Variants in PEX5L observed in about 807,000 individuals in gnomAD.
The protein encoded by PEX5L is PEX5-related protein.
Under a neutral mutation model 84.0 loss-of-function variants are expected in PEX5L, and 30 were observed. The observed-to-expected ratio is 0.36, with a 90% confidence interval of 0.27 to 0.48. PEX5L has a LOEUF of 0.48. Among genes scored for constraint, PEX5L ranks in the 20% least tolerant of loss-of-function variants. The probability of loss-of-function intolerance (pLI) is 0.99; values close to 1 mark genes in which losing one functional copy is unlikely to be tolerated. For synonymous variants in PEX5L, 270 were observed against 283.1 expected (o/e 0.95, Z 0.46); for missense variants, 533 against 754.6 (o/e 0.71, Z 3.44).
At chr3:179,949,007 C>T (rs1189456974) in intron 2 of PEX5L, among the ~76,000 whole-genome samples, 1 of 152,168 alleles carries the variant, frequency 6.6e-6, no homozygotes, top group East Asian at 1.9e-4. Context: ...CCATGACTAG[C>T]TTTCCCAGTG....
chr3:179,801,699 C>T lies in PEX5L; in HGVS notation c.*129G>A, dbSNP rs1198104189. 2 of 698,044 alleles carry T rather than the reference C, an allele frequency of 2.9e-6. No individual in the cohort carries two copies. The highest frequency in any genetic ancestry group is 5.0e-6 in the Non-Finnish European group (2 of 399,482). 43.2% of individuals were successfully genotyped at this position (698,044 alleles called of 1,614,324 possible). On this transcript the variant is annotated 3_prime_UTR_variant, in exon 15 of 15. Coordinates refer to ENST00000467460, the MANE Select transcript of PEX5L (RefSeq NM_016559.3). ...GGGCATTGTCCACAGGAATTAATTT[C>T]CTTGGGCTATATGACCATGGCCTTT...
intron 1 of PEX5L, among the ~76,000 whole-genome samples, chr3:180,010,943 G>A (rs76576429): frequency 0.041 from 6,222 of 152,210 alleles, 422 homozygotes; most frequent in African/African-American, 0.14. Context: ...GAACTGGCAA[G>A]GGGAAGTGGA....
intron 6 of PEX5L, among the ~76,000 whole-genome samples, chr3:179,874,738 G>GTT (rs3836472): frequency 0.011 from 510 of 45,830 alleles, 6 homozygotes; most frequent in Admixed American, 0.019. Context: ...TTTTTTTTTT[G>GTT]TTTTTTTTTT....
chr3:179,996,923 A>G (rs1787938660), intron 1 of PEX5L, among the ~76,000 whole-genome samples: 1 of 152,222 alleles, frequency 6.6e-6, no homozygotes, highest in Non-Finnish European at 1.5e-5. Context: ...ATTGATAGGA[A>G]GTCTACCGCA....
chr3:179,863,319 A>C (rs1013711639), intron 7 of PEX5L, among the ~76,000 whole-genome samples: 1 of 151,276 alleles, frequency 6.6e-6, no homozygotes, highest in Non-Finnish European at 1.5e-5. Context: ...CATAGGCAAC[A>C]AAAGCAAAAT....
chr3:179,959,573 CT>C (rs765340087), intron 2 of PEX5L, among the ~76,000 whole-genome samples: 9 of 151,926 alleles, frequency 5.9e-5, no homozygotes, highest in Admixed American at 3.3e-4. Flanking sequence ...TGTATTTTTT[CT>C]TTTTTTTGAG....
At chr3:179,982,806 G>T (rs1009388660) in intron 1 of PEX5L, among the ~76,000 whole-genome samples, 1 of 151,948 alleles carries the variant, frequency 6.6e-6, no homozygotes, top group Non-Finnish European at 1.5e-5. Flanking sequence ...GTGAGTGTGG[G>T]GATTTTAAGG....
chr3:179,861,559 A>G (rs1746137092), intron 7 of PEX5L, among the ~76,000 whole-genome samples: 1 of 152,194 alleles, frequency 6.6e-6, no homozygotes, highest in Non-Finnish European at 1.5e-5. Context: ...GGCTTGCAGG[A>G]GCATCAGCGC....
At chr3:179,881,840 C>T (rs1754252498) in intron 4 of PEX5L, among the ~76,000 whole-genome samples, 1 of 152,126 alleles carries the variant, frequency 6.6e-6, no homozygotes, top group Admixed American at 6.5e-5. Flanking sequence ...ACAGAATCTT[C>T]CTGAGGCAAT....
Position 179,839,045 on chromosome 3 carries a change from A to T in PEX5L, c.823-19069T>A, listed in dbSNP as rs562471506. Reference sequence around the variant, plus strand: ...CTTTCTCATTTGAGAAAGAAAAAAAAAATCTATTTTTTTTTCGGTAGAAAG... The same window carrying T: ...CTTTCTCATTTGAGAAAGAAAAAAATAATCTATTTTTTTTTCGGTAGAAAG... On this transcript the variant is annotated intron_variant, in intron 8 of 14. Coordinates refer to ENST00000467460, the MANE Select transcript of PEX5L (RefSeq NM_016559.3). Among the ~76,000 whole-genome samples the T allele has an allele frequency of 1.5e-4, 23 of 152,194 alleles. 1 individual carries two copies. The highest frequency in any genetic ancestry group is 3.4e-3 in the Middle Eastern group (1 of 294).
intron 8 of PEX5L, among the ~76,000 whole-genome samples, chr3:179,831,840 T>C (rs1285558475): frequency 6.6e-6 from 1 of 152,184 alleles, no homozygotes; most frequent in Non-Finnish European, 1.5e-5. Flanking sequence ...TTCTGGGAAC[T>C]GATTATGACG....
chr3:179,871,684 C>T (rs1750451559), intron 7 of PEX5L, among the ~76,000 whole-genome samples: 1 of 152,152 alleles, frequency 6.6e-6, no homozygotes, highest in Non-Finnish European at 1.5e-5. Flanking sequence ...TCAAATAAGG[C>T]AAATGCCAAG....
intron 8 of PEX5L, among the ~76,000 whole-genome samples, chr3:179,846,522 T>C (rs935912903): frequency 1.3e-5 from 2 of 152,210 alleles, no homozygotes; most frequent in African/African-American, 2.4e-5. Flanking sequence ...ACTTTATGTG[T>C]CAACTTGACT....
intron 8 of PEX5L, among the ~76,000 whole-genome samples, chr3:179,826,097 A>G (rs1340112862): frequency 6.6e-6 from 1 of 152,160 alleles, no homozygotes; most frequent in East Asian, 1.9e-4. Context: ...AGCTGCAGAA[A>G]TGTGGGGAGG....
chr3:179,970,076 A>T (rs13079570), intron 2 of PEX5L, among the ~76,000 whole-genome samples: 1 of 151,982 alleles, frequency 6.6e-6, no homozygotes, highest in South Asian at 2.1e-4. Context: ...ACTCAGTTAA[A>T]ATGCAAAGAT....
At chr3:179,824,702 A>G (rs1052974660) in intron 8 of PEX5L, among the ~76,000 whole-genome samples, 7 of 92,486 alleles carry the variant, frequency 7.6e-5, no homozygotes, top group Admixed American at 5.0e-4. Flanking sequence ...GTGAAACTCC[A>G]TCTCAAAAAA....
At chr3:179,885,716 T>G (rs1468462384) in intron 4 of PEX5L, among the ~76,000 whole-genome samples, 2 of 150,590 alleles carry the variant, frequency 1.3e-5, no homozygotes, top group Non-Finnish European at 2.9e-5. Context: ...GAAGCACACA[T>G]GCAGAGAAAA....
At chr3:180,003,042 G>A (rs893739716) in intron 1 of PEX5L, among the ~76,000 whole-genome samples, 4 of 152,094 alleles carry the variant, frequency 2.6e-5, no homozygotes, top group Non-Finnish European at 4.4e-5. Flanking sequence ...TTCAAACAGA[G>A]AAAAGAACGA....
intron 5 of PEX5L, among the ~76,000 whole-genome samples, chr3:179,876,575 A>G (rs1553874432): frequency 6.6e-6 from 1 of 152,274 alleles, no homozygotes; most frequent in East Asian, 1.9e-4. Context: ...TGTGGTAAAA[A>G]ATACATAACA....
Sources: allele counts gnomAD v4.1 joint callset (sites outside exome capture counted in the v4.1 genomes callset), GRCh38; gene constraint gnomAD v4.1.1; transcripts MANE v1.5; gene names NCBI Gene and HGNC (gene_info 2026-07-23, HGNC 2026-07-21).